The following PPP2R5E variants were observed in gnomAD, a reference collection of about 807,000 sequenced individuals.
The protein encoded by PPP2R5E is protein phosphatase 2 regulatory subunit B'epsilon.
In PPP2R5E, 4 loss-of-function variants were observed where a neutral mutation model predicts 65.3. That is an observed-to-expected ratio of 0.06 (90% CI 0.03 to 0.14). The LOEUF is 0.14. Among genes scored for constraint, PPP2R5E ranks in the 10% least tolerant of loss-of-function variants. The pLI is 1.00. For missense variants in PPP2R5E, 274 were observed against 556.1 expected (o/e 0.49, Z 5.10); for synonymous variants, 183 against 187.4 (o/e 0.98, Z 0.19).
chr14:63,480,500 C>G lies in PPP2R5E; in HGVS notation c.158-26615G>C, dbSNP rs185248193. On this transcript the variant is annotated intron_variant, in intron 2 of 13. Transcript: ENST00000337537. ...TTACTCTGTTACCCAGGCTGAAGTG[C>G]AGTAGAGTGATCATAGTTCAATGCA... is the stretch of plus-strand genomic sequence containing the variant. Among the ~76,000 whole-genome samples, 367 of 152,248 alleles carry G rather than the reference C, an allele frequency of 2.4e-3. 3 individuals carry two copies. Among genetic ancestry groups the G allele is most frequent in the African/African-American group, 8.4e-3 (349 of 41,550 alleles).
At position 63,374,685 on chromosome 14, in the gene PPP2R5E, TTTTG is replaced by T. The variant is rs201955171; in HGVS notation, c.*1320_*1323del. On this transcript the variant is annotated 3_prime_UTR_variant, in exon 14 of 14. Transcript: ENST00000337537. ...TATATATATAAAATACAGCCCTAGATTTTGTTTTTTTTGTTTTTTTTTCTTAAAC... is the reference window on the plus strand; with the variant it reads ...TATATATATAAAATACAGCCCTAGATTTTTTTTTGTTTTTTTTTCTTAAAC... 0.16 allele frequency: 21,938 copies of T among 135,086 alleles called. 3,008 individuals carry two copies. Among genetic ancestry groups the T allele is most frequent in the East Asian group, 0.48 (2,454 of 5,060 alleles). 8.4% of individuals were successfully genotyped at this position (135,086 alleles called of 1,614,324 possible). A position where few individuals can be genotyped will look rare whatever the true frequency, so the allele number is the denominator to read the frequency against.
chr14:63,392,073 A>G (rs1227618998), intron 8 of PPP2R5E, 48 bp from the exon 9 acceptor site: 1 of 1,431,960 alleles, frequency 7.0e-7, no homozygotes, highest in Non-Finnish European at 9.5e-7. Context: ...TCTATACAGT[A>G]AGGGCTCAAA....
intron 2 of PPP2R5E, among the ~76,000 whole-genome samples, chr14:63,493,996 T>A (rs1450937434): frequency 6.6e-6 from 1 of 152,146 alleles, no homozygotes; most frequent in African/African-American, 2.4e-5. Context: ...AAACGCAACG[T>A]CTAAAGCAAT....
intron 4 of PPP2R5E, among the ~76,000 whole-genome samples, chr14:63,419,858 A>G (rs1479679055): frequency 6.6e-6 from 1 of 152,236 alleles, no homozygotes; most frequent in African/African-American, 2.4e-5. Context: ...CCAAAAGGGC[A>G]CAGGTCTCAT....
chr14:63,439,664 G>A (rs1011171082), intron 3 of PPP2R5E, among the ~76,000 whole-genome samples: 27 of 152,168 alleles, frequency 1.8e-4, no homozygotes, highest in Non-Finnish European at 2.6e-4. Flanking sequence ...GTGAGCCACC[G>A]CGCCCAGCCG....
chr14:63,482,910 T>C (rs536140615), intron 2 of PPP2R5E, among the ~76,000 whole-genome samples: 2 of 152,292 alleles, frequency 1.3e-5, no homozygotes, highest in African/African-American at 2.4e-5. Flanking sequence ...GACACTGTTC[T>C]AGGTACCGAC....
chr14:63,391,974 G>T lies in PPP2R5E; in HGVS notation c.901C>A (p.Pro301Thr), dbSNP rs1217698623. The T allele has an allele frequency of 6.8e-6, 11 of 1,610,802 alleles. No individual in the cohort carries two copies. Among genetic ancestry groups the T allele is most frequent in the Non-Finnish European group, 9.3e-6 (11 of 1,178,312 alleles). Reference sequence around the variant, plus strand: ...GAAATTATGGAAAAAAGACTTACTGGTTCTGTGAGTGAAGGATCTTTCTCC... The same window carrying T: ...GAAATTATGGAAAAAAGACTTACTGTTTCTGTGAGTGAAGGATCTTTCTCC... Reference protein sequence around the residue: ...FLEKDPSLTEPVIRGLMKFWP... With the variant: ...FLEKDPSLTETVIRGLMKFWP... Residue 301 changes from proline to threonine, a missense_variant and splice_region_variant, in exon 9 of 14, where the codon CCA becomes ACA. Transcript: ENST00000337537.
At chr14:63,508,859 T>C (rs987569839) in intron 2 of PPP2R5E, among the ~76,000 whole-genome samples, 2 of 152,356 alleles carry the variant, frequency 1.3e-5, no homozygotes, top group Admixed American at 1.3e-4. Flanking sequence ...GGGAGACATC[T>C]CCAGTGAAAG....
intron 2 of PPP2R5E, among the ~76,000 whole-genome samples, chr14:63,519,231 A>C (rs537157315): frequency 1.3e-5 from 2 of 152,344 alleles, no homozygotes; most frequent in South Asian, 4.1e-4. Flanking sequence ...AAAGAAAAAA[A>C]TACGTAAACA....
At chr14:63,400,322 C>T (rs565909248) in intron 5 of PPP2R5E, among the ~76,000 whole-genome samples, 1 of 152,244 alleles carries the variant, frequency 6.6e-6, no homozygotes, top group African/African-American at 2.4e-5. Flanking sequence ...AAATACACAG[C>T]AGACACATCT....
At chr14:63,504,081 T>G (rs1892041430) in intron 2 of PPP2R5E, among the ~76,000 whole-genome samples, 1 of 152,156 alleles carries the variant, frequency 6.6e-6, no homozygotes, top group East Asian at 1.9e-4. Context: ...TCTAAACTAC[T>G]TCCAAATTTT....
At chr14:63,467,969 T>A (rs1174996943) in intron 2 of PPP2R5E, among the ~76,000 whole-genome samples, 1 of 152,220 alleles carries the variant, frequency 6.6e-6, no homozygotes, top group Non-Finnish European at 1.5e-5. Context: ...TCCTCATCTA[T>A]AAATGAGGGT....
In PPP2R5E at chr14:63,404,545, T is replaced by C. The variant is rs1241545497; in HGVS notation, c.550-7829A>G. 2.0e-5 allele frequency among the ~76,000 whole-genome samples: 3 copies of C among 152,296 alleles called. No homozygotes were observed. In the East Asian group the frequency reaches 5.8e-4, roughly 29 times the overall value. On this transcript the variant is annotated intron_variant, in intron 5 of 13. Transcript: ENST00000337537. The stretch of plus-strand genomic sequence containing the variant: ...TCAGAACGACTCAAGGGATGCACTG[T>C]ATAAAATGAAGCAACCTATGGGGCA...
chr14:63,520,625 T>C (rs1053487343), intron 2 of PPP2R5E, among the ~76,000 whole-genome samples: 1 of 151,972 alleles, frequency 6.6e-6, no homozygotes, highest in Non-Finnish European at 1.5e-5. Context: ...ACTGTAACAA[T>C]CATAAAAATG....
chr14:63,379,827 T>TCTCTCTCTC (rs1555354234), intron 13 of PPP2R5E, among the ~76,000 whole-genome samples: 5 of 80,554 alleles, frequency 6.2e-5, no homozygotes, highest in South Asian at 4.5e-4. Context: ...ATTCTCTCTC[T>TCTCTCTCTC]TTTTTTTTTT....
In PPP2R5E at chr14:63,374,668, T is replaced by TATATATATATAA. The variant is rs1446866059; in HGVS notation, c.*1340_*1341insTTATATATATAT. ...ATATATATATATATATATATATATA[T>TATATATATATAA]AAAATACAGCCCTAGATTTTGTTTT... On this transcript the variant is annotated 3_prime_UTR_variant, in exon 14 of 14. Coordinates refer to ENST00000337537, the MANE Select transcript of PPP2R5E (RefSeq NM_006246.5). 12 of 119,288 alleles carry TATATATATATAA rather than the reference T, an allele frequency of 1.0e-4. No homozygotes were observed. The highest frequency in any genetic ancestry group is 3.8e-4 in the African/African-American group (12 of 31,468). The allele number at this position is 119,288 out of a possible 1,614,324, so 7.4% of individuals were successfully genotyped here.
chr14:63,493,482 G>A (rs552813196), intron 2 of PPP2R5E, among the ~76,000 whole-genome samples: 3 of 135,746 alleles, frequency 2.2e-5, no homozygotes, highest in African/African-American at 6.2e-5. Context: ...TACCGCGCGC[G>A]CGTGTGTGTG....
At chr14:63,426,473 T>C (rs1887339725) in intron 3 of PPP2R5E, among the ~76,000 whole-genome samples, 1 of 151,832 alleles carries the variant, frequency 6.6e-6, no homozygotes, top group Non-Finnish European at 1.5e-5. Flanking sequence ...ATTGTGTGAT[T>C]ATAAGGATAA....
At chr14:63,412,834 T>C (rs1211648035) in intron 5 of PPP2R5E, among the ~76,000 whole-genome samples, 2 of 152,188 alleles carry the variant, frequency 1.3e-5, no homozygotes, top group African/African-American at 4.8e-5. Context: ...AGACTTACTA[T>C]GTATGAGGCT....
Sources: gnomAD v4.1 joint callset for allele counts (sites outside exome capture counted in the v4.1 genomes callset) on GRCh38, gnomAD v4.1.1 for gene constraint, MANE v1.5 for transcripts, NCBI Gene and HGNC (gene_info 2026-07-23, HGNC 2026-07-21) for gene names.